Variants in COL28A1 observed in about 807,000 individuals in gnomAD.
The protein encoded by COL28A1 is collagen type XXVIII alpha 1 chain, also known as collagen alpha-1(XXVIII) chain.
COL28A1 carries 161 observed loss-of-function variants against 150.2 expected under a neutral mutation model. That is an observed-to-expected ratio of 1.07 (90% CI 0.94 to 1.22). The LOEUF (loss-of-function observed/expected upper bound fraction) is 1.22, where lower values mean the gene tolerates loss of function less well. Among genes scored for constraint, COL28A1 ranks in the 50% most tolerant of loss-of-function variants. The pLI is 0.00. For synonymous variants in COL28A1, 552 were observed against 469.7 expected, an observed-to-expected ratio of 1.18 and a Z score of -2.26; for missense variants, 1,617 against 1,388.3, an observed-to-expected ratio of 1.16 and a Z score of -2.62.
chr7:7,501,261 G>A (rs185646951), intron 11 of COL28A1, among the ~76,000 whole-genome samples: 1 of 152,152 alleles, frequency 6.6e-6, no homozygotes, highest in Non-Finnish European at 1.5e-5. Context: ...GAGAAGGGAG[G>A]CAATTCATTT....
chr7:7,394,358 A>T (rs1782721715), intron 27 of COL28A1, among the ~76,000 whole-genome samples: 2 of 152,236 alleles, frequency 1.3e-5, no homozygotes, highest in South Asian at 4.1e-4. Flanking sequence ...TGGGAGCTGC[A>T]GACCAGAGCT....
intron 27 of COL28A1, among the ~76,000 whole-genome samples, chr7:7,383,684 A>ATATATATATG: frequency 8.7e-6 from 1 of 115,066 alleles, no homozygotes; most frequent in East Asian, 2.3e-4. Context: ...GTGTGTGTGT[A>ATATATATATG]TATATATATA....
At chr7:7,531,231 T>C (rs552605768) in intron 3 of COL28A1, 117 bp downstream of exon 3, 34 of 491,190 alleles carry the variant, frequency 6.9e-5, no homozygotes, top group African/African-American at 6.4e-4. Flanking sequence ...CTTTCTGTTT[T>C]CAGTGTTAAC....
At chr7:7,360,620 C>T (rs1780603925) in intron 33 of COL28A1, 92 bp from the exon 34 acceptor site, 3 of 1,115,068 alleles carry the variant, frequency 2.7e-6, no homozygotes, top group East Asian at 2.8e-5. Context: ...ACTAGTTCAG[C>T]CATGCTGTGT....
intron 11 of COL28A1, among the ~76,000 whole-genome samples, chr7:7,503,395 G>C (rs1355277743): frequency 6.6e-6 from 1 of 152,124 alleles, no homozygotes; most frequent in Non-Finnish European, 1.5e-5. Context: ...ATAAATGTTA[G>C]GTACTGTACA....
At chr7:7,430,455 T>C (rs1784899851) in intron 25 of COL28A1, among the ~76,000 whole-genome samples, 1 of 152,178 alleles carries the variant, frequency 6.6e-6, no homozygotes, top group Non-Finnish European at 1.5e-5. Flanking sequence ...TATCTGTGCC[T>C]AAGTGCCTGT....
intron 14 of COL28A1, among the ~76,000 whole-genome samples, chr7:7,475,520 C>T (rs1286206894): frequency 1.3e-5 from 2 of 152,134 alleles, no homozygotes; most frequent in Non-Finnish European, 2.9e-5. Flanking sequence ...GAGGTCAATG[C>T]CCATGAGCTA....
At chr7:7,394,307 T>C (rs1443807083) in intron 27 of COL28A1, among the ~76,000 whole-genome samples, 2 of 152,080 alleles carry the variant, frequency 1.3e-5, no homozygotes, top group East Asian at 1.9e-4. Flanking sequence ...GGTACCTCAG[T>C]TGGAAATGCA....
intron 11 of COL28A1, among the ~76,000 whole-genome samples, chr7:7,497,553 C>T (rs1355468385): frequency 6.6e-6 from 1 of 152,122 alleles, no homozygotes; most frequent in Non-Finnish European, 1.5e-5. Context: ...CTATGCCAAA[C>T]TGCCTCTTGA....
At chr7:7,510,608 G>T (rs969264589) in intron 9 of COL28A1, among the ~76,000 whole-genome samples, 1 of 152,104 alleles carries the variant, frequency 6.6e-6, no homozygotes, top group African/African-American at 2.4e-5. Flanking sequence ...TAAAATAAAG[G>T]TGAATATTTA....
intron 27 of COL28A1, among the ~76,000 whole-genome samples, chr7:7,410,247 A>G (rs1270031225): frequency 1.3e-5 from 2 of 152,198 alleles, no homozygotes; most frequent in African/African-American, 2.4e-5. Context: ...ATTGTTTACA[A>G]TTTGGTTTTA....
At chr7:7,423,223 G>T (rs1424383596) in intron 25 of COL28A1, among the ~76,000 whole-genome samples, 1 of 152,174 alleles carries the variant, frequency 6.6e-6, no homozygotes, top group Non-Finnish European at 1.5e-5. Flanking sequence ...GGGGAGGAGT[G>T]AAGAATATAG....
At chr7:7,510,482 ACC>A (rs1781069006) in intron 9 of COL28A1, among the ~76,000 whole-genome samples, 1 of 152,126 alleles carries the variant, frequency 6.6e-6, no homozygotes, top group Non-Finnish European at 1.5e-5. Flanking sequence ...ATGGTGTTTC[ACC>A]GTATTGGTCA....
chr7:7,462,870 AAAAAAGAAAAAAG>A lies in COL28A1; in HGVS notation c.1303-6771_1303-6759del, dbSNP rs544607558. On this transcript the variant is annotated intron_variant, in intron 15 of 34. Coordinates refer to ENST00000399429, the MANE Select transcript of COL28A1 (RefSeq NM_001037763.3). ...GAGCAAAACTCCATCTCAAAAAAAAAAAAAAGAAAAAAGAAAGAAATGCAAAATGCTCTGGAAG... is the reference window on the plus strand; with the variant it reads ...GAGCAAAACTCCATCTCAAAAAAAAAAAAGAAATGCAAAATGCTCTGGAAG... 3.7e-3 allele frequency among the ~76,000 whole-genome samples: 560 copies of A among 151,986 alleles called. 3 individuals are homozygous for A. Among genetic ancestry groups the A allele is most frequent in the Non-Finnish European group, 6.2e-3 (421 of 67,968 alleles).
intron 27 of COL28A1, among the ~76,000 whole-genome samples, chr7:7,400,941 T>C (rs1272785817): frequency 1.3e-5 from 2 of 150,732 alleles, no homozygotes; most frequent in Non-Finnish European, 3.0e-5. Context: ...TCTCCCTCCC[T>C]CTCCCCTCGT....
chr7:7,499,535 T>C (rs1583511855), intron 11 of COL28A1, among the ~76,000 whole-genome samples: 2 of 152,258 alleles, frequency 1.3e-5, no homozygotes, highest in Non-Finnish European at 1.5e-5. Context: ...GGAATCTACA[T>C]GTTTTCACTT....
intron 21 of COL28A1, among the ~76,000 whole-genome samples, chr7:7,438,087 A>G (rs951247690): frequency 1.3e-5 from 2 of 151,952 alleles, no homozygotes; most frequent in Non-Finnish European, 2.9e-5. Context: ...ATACAAAAAA[A>G]AAAAAATAGC....
intron 25 of COL28A1, among the ~76,000 whole-genome samples, chr7:7,422,144 CCAAA>C (rs1395844463): frequency 6.6e-6 from 1 of 152,180 alleles, no homozygotes; most frequent in African/African-American, 2.4e-5. Context: ...CTTTTCTCTT[CCAAA>C]CATTTTGACA....
upstream of COL28A1, among the ~76,000 whole-genome samples, chr7:7,540,565 G>C (rs1013706259): frequency 1.3e-5 from 2 of 152,210 alleles, no homozygotes; most frequent in Non-Finnish European, 2.9e-5. Context: ...TTAGGTCTTT[G>C]TGCATCAAAG....
Sources: gnomAD v4.1 joint callset for allele counts (sites outside exome capture counted in the v4.1 genomes callset) on GRCh38, gnomAD v4.1.1 for gene constraint, MANE v1.5 for transcripts, NCBI Gene and HGNC (gene_info 2026-07-23, HGNC 2026-07-21) for gene names.